RBFOX1: variants seen among roughly 807,000 people sequenced by gnomAD.
RBFOX1 encodes the protein RNA binding protein fox-1 homolog 1.
A neutral mutation model predicts 57.7 loss-of-function variants in RBFOX1; 8 were observed. The ratio of observed to expected loss-of-function variants is 0.14; its 90% confidence interval spans 0.08 to 0.25. The LOEUF (loss-of-function observed/expected upper bound fraction) is 0.25. RBFOX1 is among the 10% of genes least tolerant of loss of function. The pLI, the probability that RBFOX1 is intolerant of heterozygous loss-of-function variation, is 1.00. For missense variants in RBFOX1, 611 were observed against 548.5 expected (o/e 1.11, Z -1.14); for synonymous variants, 326 against 222.4 (o/e 1.47, Z -4.15).
chr16:6,509,302 A>C (rs1192257153), intron 2 of RBFOX1, among the ~76,000 whole-genome samples: 1 of 152,166 alleles, frequency 6.6e-6, no homozygotes, highest in African/African-American at 2.4e-5. Context: ...CTTGTCAGAT[A>C]AATTGGTAAC....
Position 7,528,013 on chromosome 16 carries a change from A to T in RBFOX1, c.270+9624A>T, listed in dbSNP as rs111579744. On this transcript the variant is annotated intron_variant, in intron 5 of 15. Transcript: ENST00000550418. ...TTTCAATCACTCATGTTTTAGTACA[A>T]ACTATCAGTACAAGCTGTTCTTGGT... Among the ~76,000 whole-genome samples the T allele has an allele frequency of 7.6e-3, 1,153 of 152,360 alleles. 16 individuals carry two copies. Among genetic ancestry groups the T allele is most frequent in the African/African-American group, 0.027 (1,110 of 41,584 alleles).
At chr16:6,629,116 A>T (rs1374299921) in intron 2 of RBFOX1, among the ~76,000 whole-genome samples, 1 of 152,236 alleles carries the variant, frequency 6.6e-6, no homozygotes, top group East Asian at 1.9e-4. Context: ...GTGTGTGTAT[A>T]TGTGTACCTG....
intron 2 of RBFOX1, among the ~76,000 whole-genome samples, chr16:6,558,896 C>G (rs920099773): frequency 3.9e-5 from 6 of 151,968 alleles, no homozygotes; most frequent in Non-Finnish European, 8.8e-5. Flanking sequence ...TCTGCTCCCT[C>G]TGTCTGGAAT....
At chr16:6,240,733 A>C (rs1483170421) in intron 1 of RBFOX1, among the ~76,000 whole-genome samples, 1 of 152,064 alleles carries the variant, frequency 6.6e-6, no homozygotes, top group Non-Finnish European at 1.5e-5. Context: ...TTTGCAGAAC[A>C]CTGACGTCTT....
At chr16:7,396,738 A>G (rs114461411) in intron 4 of RBFOX1, among the ~76,000 whole-genome samples, 4,283 of 152,232 alleles carry the variant, frequency 0.028, 204 homozygotes, top group African/African-American at 0.098. Flanking sequence ...TCAGAAGTTC[A>G]AGAACAGCCT....
intron 2 of RBFOX1, among the ~76,000 whole-genome samples, chr16:6,546,419 G>A (rs2096896515): frequency 6.6e-6 from 1 of 152,216 alleles, no homozygotes; most frequent in African/African-American, 2.4e-5. Flanking sequence ...AAGTCAGGGT[G>A]TCAGCTGGGT....
At chr16:6,743,517 G>C (rs567318458) in intron 3 of RBFOX1, among the ~76,000 whole-genome samples, 1 of 152,244 alleles carries the variant, frequency 6.6e-6, no homozygotes, top group South Asian at 2.1e-4. Context: ...CAAGGCAGGA[G>C]GATGCCTTGA....
At position 7,636,697 on chromosome 16, in the gene RBFOX1, A is replaced by G. The variant is rs931595706; in HGVS notation, c.757+6014A>G. 9.8e-5 allele frequency among the ~76,000 whole-genome samples: 15 copies of G among 152,330 alleles called. No homozygotes were observed. The South Asian group carries it at 1.0e-3, about 11-fold the overall frequency. ...CCGTAGACTGGGAGGCTTAAGCCAC[A>G]GACATTCATTTTCTCAAAGTTCTGG... On this transcript the variant is annotated intron_variant, in intron 11 of 15. Transcript: ENST00000550418.
intron 3 of RBFOX1, among the ~76,000 whole-genome samples, chr16:7,034,305 G>C (rs1383855107): frequency 2.6e-5 from 4 of 152,186 alleles, no homozygotes; most frequent in African/African-American, 9.7e-5. Flanking sequence ...CCTGTAAGAA[G>C]TCACTGTAGG....
At chr16:5,517,711 C>G (rs2043844918) in intron 2 of RBFOX1, among the ~76,000 whole-genome samples, 1 of 152,150 alleles carries the variant, frequency 6.6e-6, no homozygotes, top group African/African-American at 2.4e-5. Context: ...AGAAGTAGAC[C>G]AAGAAGGACT....
intron 2 of RBFOX1, among the ~76,000 whole-genome samples, chr16:5,557,399 T>G (rs2045720980): frequency 7.6e-6 from 1 of 132,390 alleles, no homozygotes; most frequent in Admixed American, 7.8e-5. Context: ...CACATGGGCA[T>G]TGGGTCCCCA....
chr16:7,128,659 A>G (rs753921326), intron 4 of RBFOX1, among the ~76,000 whole-genome samples: 5 of 152,132 alleles, frequency 3.3e-5, no homozygotes, highest in Non-Finnish European at 5.9e-5. Flanking sequence ...TTACCAGAAT[A>G]TGTTACAAGT....
intron 3 of RBFOX1, among the ~76,000 whole-genome samples, chr16:6,938,215 G>C (rs1251807345): frequency 1.3e-5 from 2 of 152,136 alleles, no homozygotes; most frequent in African/African-American, 2.4e-5. Flanking sequence ...TCATTGTCCA[G>C]ATTAGATCAT....
At chr16:7,148,532 G>T (rs2075488745) in intron 4 of RBFOX1, among the ~76,000 whole-genome samples, 1 of 152,230 alleles carries the variant, frequency 6.6e-6, no homozygotes, top group Admixed American at 6.5e-5. Flanking sequence ...TAAGGCCGCA[G>T]TGCCGAGTTC....
chr16:6,078,082 A>C (rs1444565230), intron 1 of RBFOX1, among the ~76,000 whole-genome samples: 1 of 152,136 alleles, frequency 6.6e-6, no homozygotes, highest in African/African-American at 2.4e-5. Flanking sequence ...ATCTTTGTCT[A>C]ATCTTTAGAT....
rs925887327 is a variant in RBFOX1, at chr16:6,010,560, C to T, written c.351+143225C>T. Among the ~76,000 whole-genome samples the T allele has an allele frequency of 5.3e-5, 8 of 152,216 alleles. No homozygotes were observed. In the East Asian group the frequency reaches 7.7e-4, roughly 15 times the overall value. ...CCAGTTCACTACTGACATTCAAATA[C>T]TTATCTCATGGTCGACTTCTGGAGG... On this transcript the variant is annotated intron_variant, in intron 4 of 19. Transcript: ENST00000641259.
intron 1 of RBFOX1, among the ~76,000 whole-genome samples, chr16:6,143,454 A>G (rs989961634): frequency 3.3e-5 from 5 of 152,206 alleles, no homozygotes; most frequent in East Asian, 1.9e-4. Flanking sequence ...GGTGATCCCA[A>G]TGCTCACAAA....
intron 4 of RBFOX1, among the ~76,000 whole-genome samples, chr16:7,147,649 T>G (rs1262132841): frequency 6.6e-6 from 1 of 152,200 alleles, no homozygotes; most frequent in African/African-American, 2.4e-5. Flanking sequence ...GAACATGATT[T>G]TGTTCTTTTT....
intron 2 of RBFOX1, among the ~76,000 whole-genome samples, chr16:5,507,969 A>G (rs1406487961): frequency 1.3e-5 from 2 of 152,108 alleles, no homozygotes; most frequent in Non-Finnish European, 2.9e-5. Context: ...GTGATTTGTT[A>G]TGGCAGCCCT....
Sources: gnomAD v4.1 joint callset for allele counts (sites outside exome capture counted in the v4.1 genomes callset) on GRCh38, gnomAD v4.1.1 for gene constraint, MANE v1.5 for transcripts, NCBI Gene and HGNC (gene_info 2026-07-23, HGNC 2026-07-21) for gene names.